PSMB7: variants seen among roughly 807,000 people sequenced by gnomAD.
PSMB7 encodes proteasome 20S subunit beta 7, also known as proteasome subunit beta type-7.
Under a neutral mutation model 28.1 loss-of-function variants are expected in PSMB7, and 5 were observed. The observed-to-expected ratio is 0.18, with a 90% confidence interval of 0.09 to 0.37. The LOEUF (loss-of-function observed/expected upper bound fraction) is 0.37. PSMB7 is among the 10% of genes least tolerant of loss of function. The pLI, the probability that PSMB7 is intolerant of heterozygous loss-of-function variation, is 1.00. For missense variants in PSMB7, 275 were observed against 346.2 expected, an observed-to-expected ratio of 0.79 and a Z score of 1.63; for synonymous variants, 122 against 123.7, an observed-to-expected ratio of 0.99 and a Z score of 0.09.
At chr9:124,408,370 C>G (rs1830990057) in intron 4 of PSMB7, among the ~76,000 whole-genome samples, 1 of 152,134 alleles carries the variant, frequency 6.6e-6, no homozygotes, top group African/African-American at 2.4e-5. Flanking sequence ...CCCAAGGCTT[C>G]TATGTTCCAA....
chr9:124,414,961 G>A (rs775986394), intron 1 of PSMB7, 26 bp from the exon 2 acceptor site: 3 of 1,521,654 alleles, frequency 2.0e-6, no homozygotes, highest in South Asian at 1.1e-5. Context: ...AGAATCAAGT[G>A]TTGAAGGGCA....
rs114452697 is a variant in PSMB7, at chr9:124,386,018, C to T, written c.512-1362G>A. 1.6e-3 allele frequency among the ~76,000 whole-genome samples: 245 copies of T among 152,046 alleles called. 1 individual carries two copies. Among genetic ancestry groups the T allele is most frequent in the African/African-American group, 5.7e-3 (237 of 41,476 alleles). The stretch of plus-strand genomic sequence containing the variant: ...TTGAGGATCATTACCTTCACAGTAC[C>T]GGATACATCACATCTAAAGCCATAG... On this transcript the variant is annotated intron_variant, in intron 5 of 7. Transcript: ENST00000259457.
intron 4 of PSMB7, among the ~76,000 whole-genome samples, chr9:124,410,786 T>C (rs1364897342): frequency 6.6e-6 from 1 of 152,124 alleles, no homozygotes; most frequent in African/African-American, 2.4e-5. Context: ...CCACAGGCCA[T>C]GCTAGACACA....
At chr9:124,412,577 G>T (rs913925488) in intron 3 of PSMB7, 85 bp from the exon 4 acceptor site, 3 of 1,427,160 alleles carry the variant, frequency 2.1e-6, no homozygotes, top group Admixed American at 3.7e-5. Flanking sequence ...TAACTTCCAT[G>T]AAGTTCAGGT....
intron 6 of PSMB7, among the ~76,000 whole-genome samples, chr9:124,366,640 C>T (rs976879520): frequency 1.1e-4 from 17 of 152,230 alleles, no homozygotes; most frequent in African/African-American, 3.9e-4. Context: ...TAGGCCTTCA[C>T]CTTCACTCAC....
At chr9:124,353,834 G>T in intron 7 of PSMB7, 125 bp from the exon 8 acceptor site, 1 of 719,336 alleles carries the variant, frequency 1.4e-6, no homozygotes, top group South Asian at 1.6e-5. Flanking sequence ...TGGCTCTCCC[G>T]ATCCCAGCTC....
intron 5 of PSMB7, among the ~76,000 whole-genome samples, chr9:124,403,688 G>T (rs1327695011): frequency 6.6e-6 from 1 of 152,150 alleles, no homozygotes; most frequent in Admixed American, 6.5e-5. Flanking sequence ...GGTGTGGTAG[G>T]TATTACCAAT....
chr9:124,371,305 T>C (rs7854989), intron 6 of PSMB7, among the ~76,000 whole-genome samples: 73,128 of 152,118 alleles, frequency 0.48, 18,211 homozygotes, highest in Non-Finnish European at 0.55. Context: ...CGGTCCTATA[T>C]TTCATTTCTT....
At chr9:124,359,106 TTA>T (rs1391463217) in intron 6 of PSMB7, among the ~76,000 whole-genome samples, 1 of 152,278 alleles carries the variant, frequency 6.6e-6, no homozygotes. Context: ...AATTTTAAAA[TTA>T]TATAGTTTGA....
At chr9:124,370,966 T>C (rs1421143045) in intron 6 of PSMB7, among the ~76,000 whole-genome samples, 4 of 152,222 alleles carry the variant, frequency 2.6e-5, no homozygotes, top group Non-Finnish European at 5.9e-5. Flanking sequence ...TTAGCAAATG[T>C]GCAGTGTGTG....
chr9:124,356,621 G>A lies in PSMB7; in HGVS notation c.722+143C>T. ...GTCATAAAGCAAGTAACAAGCCGAA[G>A]GTCTGTGTGGGAGGTTGATTTGGGA... On this transcript the variant is annotated intron_variant, in intron 7 of 7. Coordinates refer to ENST00000259457, the MANE Select transcript of PSMB7 (RefSeq NM_002799.4). The surrounding 1 kb of genome is among the most constrained non-coding windows in gnomAD (Gnocchi z 4.4). 1.1e-6 allele frequency: 1 copy of A among 927,022 alleles called. No individual in the cohort carries two copies. The highest frequency in any genetic ancestry group is 1.6e-6 in the Non-Finnish European group (1 of 625,778). 57.4% of individuals were successfully genotyped at this position (927,022 alleles called of 1,614,324 possible). A position where few individuals can be genotyped will look rare whatever the true frequency, so the allele number is the denominator to read the frequency against.
At chr9:124,406,312 G>A (rs1222047909) in intron 4 of PSMB7, among the ~76,000 whole-genome samples, 4 of 151,852 alleles carry the variant, frequency 2.6e-5, no homozygotes, top group Non-Finnish European at 5.9e-5. Flanking sequence ...AGACCAGCCT[G>A]GGCAATATGG....
At chr9:124,362,081 A>AAATT (rs1269315617) in intron 6 of PSMB7, among the ~76,000 whole-genome samples, 1 of 152,242 alleles carries the variant, frequency 6.6e-6, no homozygotes, top group Admixed American at 6.5e-5. Context: ...GAGGCAGGCA[A>AAATT]AATATTAAAT....
At chr9:124,357,024 T>G (rs889308053) in intron 6 of PSMB7, 109 bp from the exon 7 acceptor site, 3 of 1,169,908 alleles carry the variant, frequency 2.6e-6, no homozygotes, top group South Asian at 3.0e-5. Flanking sequence ...GAGACAGGTG[T>G]TGTTTTTAAT....
intron 7 of PSMB7, among the ~76,000 whole-genome samples, chr9:124,354,492 C>T (rs1487758191): frequency 1.3e-5 from 2 of 152,210 alleles, no homozygotes; most frequent in Non-Finnish European, 2.9e-5. Context: ...TGCCAGAAGG[C>T]TGCTGGCTGT....
intron 7 of PSMB7, among the ~76,000 whole-genome samples, chr9:124,355,838 T>A (rs1830399477): frequency 1.3e-5 from 2 of 152,196 alleles, no homozygotes; most frequent in South Asian, 4.1e-4. Flanking sequence ...TCCGCAAGGT[T>A]GAGTGCAGCC....
intron 4 of PSMB7, among the ~76,000 whole-genome samples, chr9:124,407,565 A>T (rs1830979378): frequency 6.6e-6 from 1 of 152,228 alleles, no homozygotes; most frequent in Non-Finnish European, 1.5e-5. Context: ...TAAAGTTAAT[A>T]ATAATCAGCT....
intron 4 of PSMB7, among the ~76,000 whole-genome samples, chr9:124,409,562 A>G (rs990197643): frequency 2.0e-5 from 3 of 152,186 alleles, no homozygotes; most frequent in Admixed American, 2.0e-4. Flanking sequence ...TGACTCACAT[A>G]CAAGGAAATG....
chr9:124,371,265 T>C (rs906943555), intron 6 of PSMB7, among the ~76,000 whole-genome samples: 4 of 152,386 alleles, frequency 2.6e-5, no homozygotes, highest in Admixed American at 1.3e-4. Context: ...GCAAAACTTA[T>C]AAGATTCTAA....
Sources: gnomAD v4.1 joint callset for allele counts (sites outside exome capture counted in the v4.1 genomes callset) on GRCh38, gnomAD v4.1.1 for gene constraint, Gnocchi (gnomAD v3.1) non-coding constraint, MANE v1.5 for transcripts, NCBI Gene and HGNC (gene_info 2026-07-23, HGNC 2026-07-21) for gene names.